The following HMGN3 variants were observed in gnomAD, a reference collection of about 807,000 sequenced individuals.
HMGN3 encodes high mobility group nucleosomal binding domain 3, also known as high mobility group nucleosome-binding domain-containing protein 3.
In HMGN3, 6 loss-of-function variants were observed where a neutral mutation model predicts 18.8. The observed-to-expected ratio is 0.32, with a 90% confidence interval of 0.18 to 0.63. The LOEUF (loss-of-function observed/expected upper bound fraction) is 0.63, where lower values mean the gene tolerates loss of function less well. Ranked by LOEUF, HMGN3 falls within the 30% of genes least tolerant of loss-of-function variation. The probability of loss-of-function intolerance (pLI) is 0.79; values close to 1 mark genes in which losing one functional copy is unlikely to be tolerated. For missense variants in HMGN3, 107 were observed against 114.2 expected (o/e 0.94, Z 0.29); for synonymous variants, 40 against 36.5 (o/e 1.10, Z -0.35).
At chr6:79,208,461 GTTA>G in intron 3 of HMGN3, 83 bp downstream of exon 3, 1 of 1,144,466 alleles carries the variant, frequency 8.7e-7, no homozygotes, top group South Asian at 1.3e-5. Context: ...GGGAAACCAT[GTTA>G]ATCTTCCTTT....
At chr6:79,214,792 G>A (rs1373589446) in intron 2 of HMGN3, among the ~76,000 whole-genome samples, 180 bp downstream of exon 2, 1 of 152,126 alleles carries the variant, frequency 6.6e-6, no homozygotes, top group Non-Finnish European at 1.5e-5. Context: ...AACACACCTA[G>A]GCCAAGCGAG....
At chr6:79,226,921 C>CTGAA (rs1279216240) in intron 1 of HMGN3, among the ~76,000 whole-genome samples, 1 of 152,168 alleles carries the variant, frequency 6.6e-6, no homozygotes, top group Non-Finnish European at 1.5e-5. Context: ...CGTGATTTGA[C>CTGAA]TGAATTCTTC....
At chr6:79,203,858 C>A (rs1219137621) in intron 3 of HMGN3, among the ~76,000 whole-genome samples, 1 of 152,212 alleles carries the variant, frequency 6.6e-6, no homozygotes, top group East Asian at 1.9e-4. Context: ...GATTGAAAAG[C>A]CGACTCCTTA....
Position 79,232,009 on chromosome 6 carries a change from C to T in HMGN3, c.15+2537G>A, listed in dbSNP as rs184791675. 2.2e-3 allele frequency among the ~76,000 whole-genome samples: 336 copies of T among 152,272 alleles called. 6 individuals are homozygous for T. The highest frequency in any genetic ancestry group is 0.021 in the Admixed American group (317 of 15,300). ...ACTTCTTGCTCTGCAGAACAACTTA[C>T]TCAGATGTTCATTAAATAACATTTC... On this transcript the variant is annotated intron_variant, in intron 1 of 5. Transcript: ENST00000344726.
intron 3 of HMGN3, among the ~76,000 whole-genome samples, chr6:79,205,916 G>C (rs1341413109): frequency 3.9e-5 from 6 of 152,218 alleles, no homozygotes; most frequent in Non-Finnish European, 8.8e-5. Context: ...AACTTGTTAA[G>C]AACTGGAGCA....
In HMGN3 at chr6:79,212,731, CAA is replaced by C. The variant is rs1776760652; in HGVS notation, c.66+2239_66+2240del. Among the ~76,000 whole-genome samples, 5 of 152,264 alleles carry C rather than the reference CAA, an allele frequency of 3.3e-5. No homozygotes were observed. The South Asian group carries it at 6.2e-4, about 19-fold the overall frequency. The stretch of plus-strand genomic sequence containing the variant: ...TAATATGGCAGTGGAAGAGGATTTT[CAA>C]AAGAGAATCCCCCTTAGTAACTGTT... On this transcript the variant is annotated intron_variant, in intron 2 of 5. Coordinates refer to ENST00000344726, the Ensembl canonical transcript of HMGN3.
chr6:79,222,407 G>A (rs1156857048), intron 1 of HMGN3, among the ~76,000 whole-genome samples: 3 of 151,944 alleles, frequency 2.0e-5, no homozygotes, highest in Admixed American at 6.5e-5. Flanking sequence ...TAACTCTGTC[G>A]CTCTTCAGCT....
At chr6:79,210,522 C>T (rs569470012) in intron 2 of HMGN3, among the ~76,000 whole-genome samples, 2 of 152,286 alleles carry the variant, frequency 1.3e-5, no homozygotes, top group South Asian at 4.1e-4. Flanking sequence ...TGCACAGGAC[C>T]ACCTTCTCTT....
At chr6:79,217,894 G>T (rs985050869) in intron 1 of HMGN3, among the ~76,000 whole-genome samples, 2 of 152,222 alleles carry the variant, frequency 1.3e-5, no homozygotes, top group Non-Finnish European at 2.9e-5. Flanking sequence ...CCTCCTGGCA[G>T]GTGGATGTGA....
At chr6:79,208,283 T>C (rs1337586228) in intron 3 of HMGN3, among the ~76,000 whole-genome samples, 1 of 152,218 alleles carries the variant, frequency 6.6e-6, no homozygotes, top group East Asian at 1.9e-4. Context: ...ATACTACTTT[T>C]GTTTCAGAGA....
intron 2 of HMGN3, among the ~76,000 whole-genome samples, chr6:79,208,851 A>T (rs1213283942): frequency 6.6e-6 from 1 of 152,216 alleles, no homozygotes; most frequent in African/African-American, 2.4e-5. Context: ...GGAAATGAAG[A>T]TCAACTTAGG....
rs145980602 is a variant in HMGN3, at chr6:79,219,086, T to A, written c.16-4064A>T. Reference sequence around the variant, plus strand: ...AGACATAATGACTATTTTCCCAAAGTAAAGTCTTGACTCCCCAGATTGAAC... The same window carrying A: ...AGACATAATGACTATTTTCCCAAAGAAAAGTCTTGACTCCCCAGATTGAAC... On this transcript the variant is annotated intron_variant, in intron 1 of 5. Transcript: ENST00000344726. 3.2e-4 allele frequency among the ~76,000 whole-genome samples: 49 copies of A among 152,200 alleles called. No individual in the cohort carries two copies. The East Asian group carries it at 7.1e-3, about 22-fold the overall frequency.
intron 1 of HMGN3, among the ~76,000 whole-genome samples, chr6:79,230,072 G>A (rs1032043143): frequency 2.0e-5 from 3 of 152,056 alleles, no homozygotes; most frequent in Non-Finnish European, 4.4e-5. Context: ...ACAAAAATGA[G>A]TATATCCATA....
chr6:79,203,068 A>G (rs1776226671), intron 4 of HMGN3, among the ~76,000 whole-genome samples: 1 of 152,240 alleles, frequency 6.6e-6, no homozygotes, highest in African/African-American at 2.4e-5. Flanking sequence ...GGATATTTGT[A>G]TCTACTTCAA....
intron 1 of HMGN3, chr6:79,233,993 T>G (rs1019835718): frequency 1.3e-5 from 2 of 152,956 alleles, no homozygotes; most frequent in Admixed American, 1.3e-4. Flanking sequence ...AGTTGGTACA[T>G]ACGGGTCTGC....
intron 5 of HMGN3, 116 bp downstream of exon 6, chr6:79,201,947 A>G: frequency 6.9e-7 from 1 of 1,451,470 alleles, no homozygotes; most frequent in African/African-American, 1.4e-5. Flanking sequence ...TCAAACCACC[A>G]CAGAAGCCTT....
Position 79,211,088 on chromosome 6 carries a change from A to T in HMGN3, c.67-2512T>A, listed in dbSNP as rs562527667. On this transcript the variant is annotated intron_variant, in intron 2 of 5. Coordinates refer to ENST00000344726, the Ensembl canonical transcript of HMGN3. ...TAAAAATCCTATCTTCTATTATAAA[A>T]TCATTTTATGACTTGCTACATACAA... 1.2e-3 allele frequency among the ~76,000 whole-genome samples: 185 copies of T among 151,948 alleles called. 1 individual carries two copies. Among genetic ancestry groups the T allele is most frequent in the African/African-American group, 4.2e-3 (176 of 41,434 alleles).
chr6:79,216,553 T>C (rs1282386904), intron 1 of HMGN3, among the ~76,000 whole-genome samples: 1 of 152,220 alleles, frequency 6.6e-6, no homozygotes, highest in East Asian at 1.9e-4. Context: ...ATATGCCCTC[T>C]TTCCAGAACC....
At chr6:79,222,658 T>C (rs1777358658) in intron 1 of HMGN3, among the ~76,000 whole-genome samples, 1 of 152,240 alleles carries the variant, frequency 6.6e-6, no homozygotes. Context: ...ATTACTACAT[T>C]GCTTTTAAAG....
Sources: allele counts gnomAD v4.1 joint callset (sites outside exome capture counted in the v4.1 genomes callset), GRCh38; gene constraint gnomAD v4.1.1; transcripts MANE v1.5; gene names NCBI Gene and HGNC (gene_info 2026-07-23, HGNC 2026-07-21).